BCAS3: variants seen among roughly 807,000 people sequenced by gnomAD.
The protein encoded by BCAS3 is BCAS4/BCAS3 fusion.
A neutral mutation model predicts 116.1 loss-of-function variants in BCAS3; 53 were observed. The ratio of observed to expected loss-of-function variants is 0.46; its 90% CI spans 0.37 to 0.57. BCAS3 has a LOEUF of 0.57. BCAS3 is among the 20% of genes least tolerant of loss of function. The probability of loss-of-function intolerance (pLI) is 0.00; values close to 1 mark genes in which losing one functional copy is unlikely to be tolerated. For missense variants in BCAS3, 917 were observed against 1,165.4 expected, an observed-to-expected ratio of 0.79 and a Z score of 3.10; for synonymous variants, 391 against 408.2, an observed-to-expected ratio of 0.96 and a Z score of 0.51.
At chr17:60,849,490 T>C (rs1417007876) in intron 7 of BCAS3, among the ~76,000 whole-genome samples, 1 of 152,068 alleles carries the variant, frequency 6.6e-6, no homozygotes, top group Non-Finnish European at 1.5e-5. Context: ...ATTATTTGCT[T>C]GAGGATGGTA....
chr17:61,176,895 T>C (rs1339260069), intron 22 of BCAS3, among the ~76,000 whole-genome samples: 2 of 152,104 alleles, frequency 1.3e-5, no homozygotes, highest in East Asian at 3.8e-4. Context: ...AGCAAATGAT[T>C]TGAACAGATT....
intron 15 of BCAS3, among the ~76,000 whole-genome samples, chr17:60,999,546 CA>C (rs1021249439): frequency 0.16 from 10,299 of 62,900 alleles, 976 homozygotes; most frequent in African/African-American, 0.4. Context: ...GACTGTGTCT[CA>C]AAAAAAAAAA....
intron 2 of BCAS3, 98 bp downstream of exon 2, chr17:60,679,638 A>G: frequency 1.0e-6 from 1 of 964,996 alleles, no homozygotes; most frequent in Non-Finnish European, 1.6e-6. Flanking sequence ...TTTTGTAAAA[A>G]TCTTTTAACT....
chr17:60,812,378 G>C (rs566421702), intron 7 of BCAS3, among the ~76,000 whole-genome samples: 1 of 152,306 alleles, frequency 6.6e-6, no homozygotes, highest in East Asian at 1.9e-4. Flanking sequence ...AGGAGATGGG[G>C]ATGGAGAGGG....
chr17:60,989,090 A>G (rs2063359373), intron 14 of BCAS3, among the ~76,000 whole-genome samples: 1 of 152,044 alleles, frequency 6.6e-6, no homozygotes, highest in Non-Finnish European at 1.5e-5. Context: ...TTCATTCACA[A>G]ATATCTTTAT....
In BCAS3 at chr17:61,136,339, G is replaced by A. The variant is rs1402804364; in HGVS notation, c.2425+51775G>A. 6.6e-6 allele frequency among the ~76,000 whole-genome samples: 1 copy of A among 152,170 alleles called. No individual in the cohort carries two copies. The highest frequency in any genetic ancestry group is 6.5e-5 in the Admixed American group (1 of 15,280). On this transcript the variant is annotated intron_variant, in intron 22 of 23. Transcript: ENST00000407086. This position sits in a 1 kb window ranked among gnomAD's most constrained non-coding sequence, Gnocchi z 4.4. ...CCCACTAGACAGTAAGCTTTTTCAA[G>A]ACAGATACTGTCTCTTCTTCATCTC...
At chr17:61,039,260 T>C (rs997716943) in intron 18 of BCAS3, among the ~76,000 whole-genome samples, 1 of 152,244 alleles carries the variant, frequency 6.6e-6, no homozygotes, top group Non-Finnish European at 1.5e-5. Context: ...ATCCATGTTG[T>C]AGCGTGTGTC....
In BCAS3 at chr17:61,219,682, C is replaced by T. The variant is rs1455376316; in HGVS notation, c.2425+135118C>T. On this transcript the variant is annotated intron_variant, in intron 22 of 23. Transcript: ENST00000407086. The surrounding 1 kb of genome is among the most constrained non-coding windows in gnomAD (Gnocchi z 5.2). ...TCCTTGGAGGGTTGCAAATAGCTGC[C>T]GTGAGAAACCCTCTCTGCTGCTCTG... Among the ~76,000 whole-genome samples the T allele has an allele frequency of 1.3e-5, 2 of 152,082 alleles. No homozygotes were observed. The highest frequency in any genetic ancestry group is 1.9e-4 in the East Asian group (1 of 5,176).
intron 15 of BCAS3, among the ~76,000 whole-genome samples, chr17:61,014,199 A>G (rs1306198258): frequency 6.6e-6 from 1 of 152,174 alleles, no homozygotes; most frequent in South Asian, 2.1e-4. Flanking sequence ...TAAAATTAAC[A>G]TTAAGTCAAT....
At chr17:61,107,829 A>G (rs988625082) in intron 22 of BCAS3, among the ~76,000 whole-genome samples, 1 of 152,176 alleles carries the variant, frequency 6.6e-6, no homozygotes, top group Admixed American at 6.5e-5. Flanking sequence ...AATCATGTAA[A>G]GGTTTTCATG....
Position 61,265,953 on chromosome 17 carries a change from T to C in BCAS3, c.2426-102374T>C, listed in dbSNP as rs554664898. ...GTGGAAAATCCAGTGTCACCTTTCATAGATACTAAAATATTTCCTTTCTTC... is the reference window on the plus strand; with the variant it reads ...GTGGAAAATCCAGTGTCACCTTTCACAGATACTAAAATATTTCCTTTCTTC... On this transcript the variant is annotated intron_variant, in intron 22 of 23. Coordinates refer to ENST00000407086, the MANE Select transcript of BCAS3 (RefSeq NM_017679.5). The surrounding 1 kb of genome is among the most constrained non-coding windows in gnomAD (Gnocchi z 4.3). Among the ~76,000 whole-genome samples, 4 of 152,362 alleles carry C rather than the reference T, an allele frequency of 2.6e-5. No individual in the cohort carries two copies. The East Asian group carries it at 7.7e-4, about 29-fold the overall frequency.
intron 14 of BCAS3, among the ~76,000 whole-genome samples, chr17:60,953,115 T>C (rs764792789): frequency 1.3e-5 from 2 of 152,084 alleles, no homozygotes; most frequent in Non-Finnish European, 2.9e-5. Flanking sequence ...TTTGATATCC[T>C]GTTGTATATT....
chr17:61,224,903 A>G lies in BCAS3; in HGVS notation c.2425+140339A>G, dbSNP rs2082293498. 6.6e-6 allele frequency among the ~76,000 whole-genome samples: 1 copy of G among 152,216 alleles called. No homozygotes were observed. On this transcript the variant is annotated intron_variant, in intron 22 of 23. Transcript: ENST00000407086. The surrounding 1 kb of genome is among the most constrained non-coding windows in gnomAD (Gnocchi z 5.7). ...CTACCATATTGAACTGCACAGATCT[A>G]GAACATTTGGAACCCATTCTTCTGT...
chr17:61,199,414 C>G lies in BCAS3; in HGVS notation c.2425+114850C>G, dbSNP rs1420021487. Reference sequence around the variant, plus strand: ...TAAAGACAACTCGACATCATACTGACTACAAATTACCTCCCCTAGTTTAAA... The same window carrying G: ...TAAAGACAACTCGACATCATACTGAGTACAAATTACCTCCCCTAGTTTAAA... On this transcript the variant is annotated intron_variant, in intron 22 of 23. Coordinates refer to ENST00000407086, the MANE Select transcript of BCAS3 (RefSeq NM_017679.5). This position sits in a 1 kb window ranked among gnomAD's most constrained non-coding sequence, Gnocchi z 4.6. Among the ~76,000 whole-genome samples, 1 of 152,228 alleles carries G rather than the reference C, an allele frequency of 6.6e-6. No homozygotes were observed. The highest frequency in any genetic ancestry group is 1.5e-5 in the Non-Finnish European group (1 of 68,040).
Position 61,200,137 on chromosome 17 carries a change from T to C in BCAS3, c.2425+115573T>C, listed in dbSNP as rs1952186133. On this transcript the variant is annotated intron_variant, in intron 22 of 23. Transcript: ENST00000407086. This position sits in a 1 kb window ranked among gnomAD's most constrained non-coding sequence, Gnocchi z 5.1. ...CCAGTTTGAAGTTGCCCCCCTTCATTTCTTATCCTCTTTATAAAAAACAAA... is the reference window on the plus strand; with the variant it reads ...CCAGTTTGAAGTTGCCCCCCTTCATCTCTTATCCTCTTTATAAAAAACAAA... Among the ~76,000 whole-genome samples the C allele has an allele frequency of 6.6e-6, 1 of 152,214 alleles. No homozygotes were observed. Among genetic ancestry groups the C allele is most frequent in the African/African-American group, 2.4e-5 (1 of 41,456 alleles).
Position 61,014,047 on chromosome 17 carries a change from G to T in BCAS3, c.1487-1704G>T, listed in dbSNP as rs779205985. Among the ~76,000 whole-genome samples, 3 of 151,998 alleles carry T rather than the reference G, an allele frequency of 2.0e-5. 1 individual carries two copies. The South Asian group carries it at 6.2e-4, about 32-fold the overall frequency. ...CTTTCGGGGGGGATGCTTTTGCTGTGTACATAAATTGGTCAACTTAATTCG... is the reference window on the plus strand; with the variant it reads ...CTTTCGGGGGGGATGCTTTTGCTGTTTACATAAATTGGTCAACTTAATTCG... On this transcript the variant is annotated intron_variant, in intron 15 of 23. Transcript: ENST00000407086.
At chr17:61,133,858 T>TGAAAA (rs1330065889) in intron 22 of BCAS3, among the ~76,000 whole-genome samples, 1 of 4,468 alleles carries the variant, frequency 2.2e-4, no homozygotes, top group Non-Finnish European at 8.8e-4. Context: ...GCCTGGAATC[T>TGAAAA]CAAAAAAAAA....
intron 22 of BCAS3, among the ~76,000 whole-genome samples, chr17:61,262,962 G>A (rs757453740): frequency 6.6e-5 from 10 of 152,216 alleles, no homozygotes; most frequent in Non-Finnish European, 1.0e-4. Flanking sequence ...AAAGTGCTGG[G>A]ATTACAGGCA....
rs1049153487 is a variant in BCAS3, at chr17:61,379,722, A to G, written c.2593+11228A>G. 6.6e-6 allele frequency: 1 copy of G among 152,058 alleles called. No homozygotes were observed. The highest frequency in any genetic ancestry group is 2.4e-5 in the African/African-American group (1 of 41,368). The allele number at this position is 152,058 out of a possible 1,614,324, so 9.4% of individuals were successfully genotyped here. ...GCTTCGCAGCCCTCCCCTGTTACCCACATATGTTTTATGGGGTGTAGCCCG... is the reference window on the plus strand; with the variant it reads ...GCTTCGCAGCCCTCCCCTGTTACCCGCATATGTTTTATGGGGTGTAGCCCG... On this transcript the variant is annotated intron_variant, in intron 23 of 23. Coordinates refer to ENST00000407086, the MANE Select transcript of BCAS3 (RefSeq NM_017679.5). The surrounding 1 kb of genome is among the most constrained non-coding windows in gnomAD (Gnocchi z 5.5).
Sources: gnomAD v4.1 joint callset for allele counts (sites outside exome capture counted in the v4.1 genomes callset) on GRCh38, gnomAD v4.1.1 for gene constraint, Gnocchi (gnomAD v3.1) non-coding constraint, MANE v1.5 for transcripts, NCBI Gene and HGNC (gene_info 2026-07-23, HGNC 2026-07-21) for gene names.